The following ABL2 variants were observed in gnomAD, a reference collection of about 807,000 sequenced individuals.
ABL2 encodes tyrosine-protein kinase ABL2.
ABL2 carries 49 observed loss-of-function variants against 107.7 expected under a neutral mutation model. That is an observed-to-expected ratio of 0.45 (90% CI 0.36 to 0.58). The LOEUF is 0.58. Among genes scored for constraint, ABL2 ranks in the 20% least tolerant of loss-of-function variants. ABL2 has a pLI of 0.00. For synonymous variants in ABL2, 549 were observed against 548.6 expected, an observed-to-expected ratio of 1.00 and a Z score of -0.01; for missense variants, 1,245 against 1,457.0, an observed-to-expected ratio of 0.85 and a Z score of 2.37.
intron 1 of ABL2, among the ~76,000 whole-genome samples, chr1:179,149,706 A>G (rs1486586933): frequency 2.0e-5 from 3 of 152,244 alleles, no homozygotes; most frequent in South Asian, 4.1e-4. Context: ...ATGGAACAAC[A>G]AAGCCTGAAT....
chr1:179,203,282 A>C (rs1410041192), intron 1 of ABL2, among the ~76,000 whole-genome samples: 1 of 152,250 alleles, frequency 6.6e-6, no homozygotes, highest in Non-Finnish European at 1.5e-5. Flanking sequence ...CAAAGAATGA[A>C]GGTTTTCCTC....
At chr1:179,121,055 A>G (rs1415154816) in intron 5 of ABL2, among the ~76,000 whole-genome samples, 2 of 152,228 alleles carry the variant, frequency 1.3e-5, no homozygotes, top group Admixed American at 6.5e-5. Context: ...TATAAGTGAT[A>G]CACCAGAGAC....
At chr1:179,193,221 G>T (rs374018268) in intron 1 of ABL2, among the ~76,000 whole-genome samples, 1 of 152,118 alleles carries the variant, frequency 6.6e-6, no homozygotes, top group Non-Finnish European at 1.5e-5. Flanking sequence ...AGTGCCCGAA[G>T]AAGTCAATTT....
intron 1 of ABL2, among the ~76,000 whole-genome samples, chr1:179,149,944 A>G (rs1461375332): frequency 6.6e-6 from 1 of 152,148 alleles, no homozygotes; most frequent in Non-Finnish European, 1.5e-5. Context: ...TAGGAAAAAC[A>G]TTTTGGGCCG....
In ABL2 at chr1:179,167,933, C is replaced by T. The variant is rs1432471146; in HGVS notation, c.158-34559G>A. 3.9e-5 allele frequency among the ~76,000 whole-genome samples: 6 copies of T among 152,148 alleles called. No individual in the cohort carries two copies. In the South Asian group the frequency reaches 8.3e-4, roughly 21 times the overall value. Reference sequence around the variant, plus strand: ...GGCAGAGGTTGCAATGAGCCGAGATCGTGCCACTGCACTCCAGCCTGGGTG... The same window carrying T: ...GGCAGAGGTTGCAATGAGCCGAGATTGTGCCACTGCACTCCAGCCTGGGTG... On this transcript the variant is annotated intron_variant, in intron 1 of 11. Coordinates refer to ENST00000502732, the MANE Select transcript of ABL2 (RefSeq NM_007314.4).
intron 1 of ABL2, chr1:179,201,973 T>G: frequency 9.1e-7 from 1 of 1,097,606 alleles, no homozygotes; most frequent in Non-Finnish European, 1.1e-6. Context: ...ATCTCAGGGG[T>G]CCGAGGAACA....
intron 1 of ABL2, among the ~76,000 whole-genome samples, chr1:179,160,252 A>C (rs1168047310): frequency 6.6e-6 from 1 of 152,086 alleles, no homozygotes; most frequent in African/African-American, 2.4e-5. Context: ...GGTGGCTTAC[A>C]TCTGCAATCC....
At chr1:179,111,349 G>T (rs925371945) in intron 10 of ABL2, among the ~76,000 whole-genome samples, 1 of 143,654 alleles carries the variant, frequency 7.0e-6, no homozygotes, top group Non-Finnish European at 1.5e-5. Context: ...GCAGAGGTGC[G>T]ATCTCAGCTC....
chr1:179,114,349 AGTG>A (rs1423383198), intron 9 of ABL2, among the ~76,000 whole-genome samples: 4 of 130,970 alleles, frequency 3.1e-5, no homozygotes, highest in Non-Finnish European at 6.6e-5. Flanking sequence ...TAGAGGTTTC[AGTG>A]AGCCGAAATC....
At position 179,133,190 on chromosome 1, in the gene ABL2, A is replaced by G; in HGVS notation, c.220+122T>C. 5 of 1,482,404 alleles carry G rather than the reference A, an allele frequency of 3.4e-6. No individual in the cohort carries two copies. In the South Asian group the frequency reaches 6.4e-5, roughly 19 times the overall value. The allele number at this position is 1,482,404 out of a possible 1,614,324, so 91.8% of individuals were successfully genotyped here. A position where few individuals can be genotyped will look rare whatever the true frequency, so the allele number is the denominator to read the frequency against. ...TTATTTTTAATATAAAAATAGTTTTATCATATATGAAAGGAAAAACCCTTG... is the reference window on the plus strand; with the variant it reads ...TTATTTTTAATATAAAAATAGTTTTGTCATATATGAAAGGAAAAACCCTTG... On this transcript the variant is annotated intron_variant, in intron 2 of 11. Transcript: ENST00000502732.
chr1:179,208,407 G>A (rs1662096299), intron 1 of ABL2, among the ~76,000 whole-genome samples: 1 of 151,902 alleles, frequency 6.6e-6, no homozygotes, highest in Admixed American at 6.6e-5. Context: ...AGGGTATTTG[G>A]TTTTCTGTTC....
At chr1:179,124,900 G>A (rs534348391) in intron 4 of ABL2, among the ~76,000 whole-genome samples, 2 of 152,136 alleles carry the variant, frequency 1.3e-5, no homozygotes, top group Non-Finnish European at 2.9e-5. Flanking sequence ...ACCATTTCAT[G>A]GTTTTTAGCA....
chr1:179,229,170 G>GCCACCCCCCCCCCCCCCCC, intron 1 of ABL2, 71 bp downstream of exon 1: 1 of 266,256 alleles, frequency 3.8e-6, no homozygotes, highest in Middle Eastern at 1.3e-3. Context: ...CAGCCCGTCC[G>GCCACCCCCCCCCCCCCCCC]CCACCCACCC....
At chr1:179,132,048 A>G (rs1656382461) in intron 2 of ABL2, among the ~76,000 whole-genome samples, 1 of 152,268 alleles carries the variant, frequency 6.6e-6, no homozygotes, top group South Asian at 2.1e-4. Flanking sequence ...AAGTGCTTTT[A>G]GAAAAATATC....
At chr1:179,138,664 T>C (rs986088581) in intron 1 of ABL2, among the ~76,000 whole-genome samples, 1 of 152,042 alleles carries the variant, frequency 6.6e-6, no homozygotes, top group African/African-American at 2.4e-5. Flanking sequence ...CTCTGAGAGG[T>C]GACAGTGTGC....
Position 179,104,635 on chromosome 1 carries a change from C to A in ABL2, c.*3083G>T, listed in dbSNP as rs1486108293. 4.9e-6 allele frequency: 1 copy of A among 205,926 alleles called. No individual in the cohort carries two copies. Among genetic ancestry groups the A allele is most frequent in the Non-Finnish European group, 9.9e-6 (1 of 100,888 alleles). 12.8% of individuals were successfully genotyped at this position (205,926 alleles called of 1,614,324 possible). ...GGAAAATATATACATTTAAATTTTA[C>A]ACAAAGCCTTTTAAGAAAATACTTT... On this transcript the variant is annotated 3_prime_UTR_variant, in exon 12 of 12. Coordinates refer to ENST00000502732, the MANE Select transcript of ABL2 (RefSeq NM_007314.4).
chr1:179,101,276 G>A lies in ABL2; in HGVS notation c.*6442C>T, dbSNP rs1429014656. 3 of 219,226 alleles carry A rather than the reference G, an allele frequency of 1.4e-5. No homozygotes were observed. The highest frequency in any genetic ancestry group is 2.3e-5 in the African/African-American group (1 of 44,416). 13.6% of individuals were successfully genotyped at this position (219,226 alleles called of 1,614,324 possible). A position where few individuals can be genotyped will look rare whatever the true frequency, so the allele number is the denominator to read the frequency against. On this transcript the variant is annotated 3_prime_UTR_variant, in exon 12 of 12. Coordinates refer to ENST00000502732, the MANE Select transcript of ABL2 (RefSeq NM_007314.4). ...GACCTGCCACAGGCCTCCTTACCTG[G>A]GAAGAAGTATGGGATCTTCTTATCT...
chr1:179,155,734 T>C (rs999158029), intron 1 of ABL2, among the ~76,000 whole-genome samples: 4 of 132,610 alleles, frequency 3.0e-5, no homozygotes, highest in Non-Finnish European at 5.0e-5. Flanking sequence ...CCATCTCAAT[T>C]AAAAAAAAAA....
chr1:179,180,766 C>T (rs1176382195), intron 1 of ABL2, among the ~76,000 whole-genome samples: 3 of 151,952 alleles, frequency 2.0e-5, no homozygotes, highest in Non-Finnish European at 4.4e-5. Flanking sequence ...AAGAAAAAAA[C>T]CATCTGAAAT....
Sources: gnomAD v4.1 joint callset for allele counts (sites outside exome capture counted in the v4.1 genomes callset) on GRCh38, gnomAD v4.1.1 for gene constraint, MANE v1.5 for transcripts, NCBI Gene and HGNC (gene_info 2026-07-23, HGNC 2026-07-21) for gene names.